BGN: variants seen among roughly 807,000 people sequenced by gnomAD.
BGN encodes biglycan.
Under a neutral mutation model 20.0 loss-of-function variants are expected in BGN, and 6 were observed. The observed-to-expected ratio is 0.30, with a 90% CI of 0.16 to 0.59. The LOEUF (loss-of-function observed/expected upper bound fraction) is 0.59. Among genes scored for constraint, BGN ranks in the 20% least tolerant of loss-of-function variants. The probability of loss-of-function intolerance (pLI) is 0.88; values close to 1 mark genes in which losing one functional copy is unlikely to be tolerated. For synonymous variants in BGN, 146 were observed against 134.6 expected, an observed-to-expected ratio of 1.08 and a Z score of -0.59; for missense variants, 292 against 312.1, an observed-to-expected ratio of 0.94 and a Z score of 0.49.
chrX:153,499,769 C>CT (rs1199051599), intron 1 of BGN, among the ~76,000 whole-genome samples: 1 of 112,565 alleles, frequency 8.9e-6, no homozygotes, highest in African/African-American at 3.2e-5. Context: ...CGGGGAGGGA[C>CT]TGGTGGACTG....
chrX:153,501,196 T>G (rs1184208863), intron 1 of BGN, among the ~76,000 whole-genome samples: 1 of 108,449 alleles, frequency 9.2e-6, no homozygotes, highest in Non-Finnish European at 2.0e-5. Flanking sequence ...GTGTGTGTGT[T>G]TGTGTGTGTA....
intron 1 of BGN, among the ~76,000 whole-genome samples, chrX:153,500,551 C>T (rs1190083083): frequency 1.3e-4 from 15 of 112,099 alleles, no homozygotes; most frequent in African/African-American, 4.2e-4. Context: ...CTGGGGTCCC[C>T]GCCTGCCTTA....
At position 153,508,730 on chromosome X, in the gene BGN, T is replaced by G; in HGVS notation, c.*285T>G. 2.6e-6 allele frequency: 1 copy of G among 388,763 alleles called. No individual in the cohort carries two copies. Among genetic ancestry groups the G allele is most frequent in the Non-Finnish European group, 4.5e-6 (1 of 221,711 alleles). The allele number at this position is 388,763 out of a possible 1,213,427, so 32.0% of individuals were successfully genotyped here. ...ACCCAGAGGCACCCCATGAAGCTTT[T>G]TTCTCGTTCACTCCCAAACCCAAGT... On this transcript the variant is annotated 3_prime_UTR_variant, in exon 8 of 8. Transcript: ENST00000331595.
chrX:153,497,867 C>CTTCGCTGT (rs1317221467), intron 1 of BGN, among the ~76,000 whole-genome samples: 1 of 112,502 alleles, frequency 8.9e-6, no homozygotes, highest in African/African-American at 3.2e-5. Flanking sequence ...CAGCTGCCCC[C>CTTCGCTGT]TTCGCTGTTT....
At chrX:153,496,966 A>ACCCCCCC (rs2089721217) in intron 1 of BGN, among the ~76,000 whole-genome samples, 1 of 9,445 alleles carries the variant, frequency 1.1e-4, no homozygotes, top group Non-Finnish European at 2.1e-4. Flanking sequence ...CCCACCCCCC[A>ACCCCCCC]CCCCCCAGCA....
At chrX:153,504,912 C>G in intron 2 of BGN, 43 bp downstream of exon 2, 4 of 1,121,432 alleles carry the variant, frequency 3.6e-6, no homozygotes, top group Non-Finnish European at 4.8e-6. Context: ...CAGGGAGGCT[C>G]AGGTGCAGCC....
At chrX:153,503,363 T>C (rs1447908029) in intron 1 of BGN, among the ~76,000 whole-genome samples, 1 of 112,281 alleles carries the variant, frequency 8.9e-6, no homozygotes, top group Admixed American at 9.3e-5. Context: ...GAGGGTCTCC[T>C]GGGCGTGCGA....
At position 153,507,107 on chromosome X, in the gene BGN, C is replaced by T. The variant is rs1556993388; in HGVS notation, c.831C>T (p.Pro277=). ...MIENGSLSFL[P]TLRELHLDNN... is the part of the protein sequence containing the mutation. Reference sequence around the variant, plus strand: ...AGAACGGGAGCCTGAGCTTCCTGCCCACCCTCCGGGAGCTCCACTTGGACA... The same window carrying T: ...AGAACGGGAGCCTGAGCTTCCTGCCTACCCTCCGGGAGCTCCACTTGGACA... The change falls in exon 7 of 8, where the codon CCC becomes CCT. Residue 277 remains proline (P), a synonymous_variant. Coordinates refer to ENST00000331595, the MANE Select transcript of BGN (RefSeq NM_001711.6). The T allele has an allele frequency of 8.3e-7, 1 of 1,207,125 alleles. No homozygotes were observed. The highest frequency in any genetic ancestry group is 1.8e-5 in the South Asian group (1 of 56,224).
In BGN at chrX:153,504,647, C is replaced by T. The variant is rs1237471362; in HGVS notation, c.16C>T (p.Arg6Cys). The change falls in exon 2 of 8, where the codon CGC becomes TGC. Residue 6 changes from arginine to cysteine, a missense_variant. Transcript: ENST00000331595. MWPLW[R>C]LVSLLALSQA... ...TCCATCCGCCATGTGGCCCCTGTGG[C>T]GCCTCGTGTCTCTGCTGGCCCTGAG... is the stretch of plus-strand genomic sequence containing the variant. 6.6e-6 allele frequency: 8 copies of T among 1,205,025 alleles called. No homozygotes were observed. Among genetic ancestry groups the T allele is most frequent in the Admixed American group, 2.2e-5 (1 of 45,751 alleles).
chrX:153,507,246 C>T (rs2089808553), intron 7 of BGN, 61 bp downstream of exon 7: 1 of 1,132,788 alleles, frequency 8.8e-7, no homozygotes, highest in Non-Finnish European at 1.2e-6. Flanking sequence ...GCGTGTGTGT[C>T]CCCGGGCAGT....
At position 153,508,284 on chromosome X, in the gene BGN, G is replaced by C. The variant is rs782085926; in HGVS notation, c.946G>C (p.Gly316Arg). The C allele has an allele frequency of 2.5e-6, 3 of 1,212,069 alleles. No homozygotes were observed. Among genetic ancestry groups the C allele is most frequent in the Non-Finnish European group, 3.3e-6 (3 of 895,589 alleles). The change falls in exon 8 of 8, where the codon GGT (glycine) becomes CGT (arginine). Residue 316 changes from glycine (G) to arginine (R), a missense_variant. By Grantham distance (125) the Gly-to-Arg change is moderately radical. Coordinates refer to ENST00000331595, the MANE Select transcript of BGN (RefSeq NM_001711.6). ...GCACTCCAACAACATCACCAAAGTG[G>C]GTGTCAACGACTTCTGTCCCATGGG... is the stretch of plus-strand genomic sequence containing the variant. Reference protein sequence around the residue: ...YLHSNNITKVGVNDFCPMGFG... With the variant: ...YLHSNNITKVRVNDFCPMGFG...
At chrX:153,500,583 A>ATGTATG (rs1354670735) in intron 1 of BGN, among the ~76,000 whole-genome samples, 2 of 112,354 alleles carry the variant, frequency 1.8e-5, no homozygotes, top group Non-Finnish European at 3.8e-5. Flanking sequence ...ATATATGTGT[A>ATGTATG]TGTATGTGTA....
chrX:153,505,811 C>T (rs1161209959), intron 3 of BGN, 52 bp from the exon 4 acceptor site: 9 of 795,313 alleles, frequency 1.1e-5, no homozygotes, highest in East Asian at 1.5e-4. Flanking sequence ...GAGAGAGGGG[C>T]GGGTGGGGTG....
In BGN at chrX:153,509,079, G is replaced by C. The variant is rs2089826091; in HGVS notation, c.*634G>C. ...TCTCTTTCTGTGTGTGTGTGTGTGTGTGTGTGTGTGTGTGTGTGTGTGTGT... is the reference window on the plus strand; with the variant it reads ...TCTCTTTCTGTGTGTGTGTGTGTGTCTGTGTGTGTGTGTGTGTGTGTGTGT... On this transcript the variant is annotated 3_prime_UTR_variant, in exon 8 of 8. Coordinates refer to ENST00000331595, the MANE Select transcript of BGN (RefSeq NM_001711.6). The C allele has an allele frequency of 1.8e-5, 2 of 108,323 alleles. No individual in the cohort carries two copies. Among genetic ancestry groups the C allele is most frequent in the Non-Finnish European group, 3.8e-5 (2 of 52,987 alleles). The allele number at this position is 108,323 out of a possible 1,213,427, so 8.9% of individuals were successfully genotyped here.
chrX:153,505,892 C>G lies in BGN; in HGVS notation c.381C>G (p.Ser127=), dbSNP rs782202676. 2.5e-6 allele frequency: 3 copies of G among 1,210,059 alleles called. No homozygotes were observed. The South Asian group carries it at 5.3e-5, about 21-fold the overall frequency. ...YALVLVNNKI[S]KIHEKAFSPL... ...TCGTCCTGGTGAACAACAAGATCTC[C>G]AAGATCCATGAGAAGGCCTTCAGCC... The change falls in exon 4 of 8, where the codon TCC becomes TCG. Residue 127 remains serine (S), a synonymous_variant. Transcript: ENST00000331595.
At position 153,508,337 on chromosome X, in the gene BGN, C is replaced by A; in HGVS notation, c.999C>A (p.Asn333Lys). The A allele has an allele frequency of 8.2e-7, 1 of 1,212,186 alleles. No homozygotes were observed. Among genetic ancestry groups the A allele is most frequent in the Non-Finnish European group, 1.1e-6 (1 of 895,528 alleles). ...TCGGGGTGAAGCGGGCCTACTACAA[C>A]GGCATCAGCCTCTTCAACAACCCCG... ...MGFGVKRAYY[N>K]GISLFNNPVP... Residue 333 changes from asparagine to lysine, a missense_variant, in exon 8 of 8, where the codon AAC becomes AAA. Coordinates refer to ENST00000331595, the MANE Select transcript of BGN (RefSeq NM_001711.6).
chrX:153,501,129 T>C (rs887773926), intron 1 of BGN, among the ~76,000 whole-genome samples: 1 of 111,768 alleles, frequency 8.9e-6, no homozygotes, highest in Non-Finnish European at 1.9e-5. Flanking sequence ...ACATATGTGT[T>C]TTGTATAGGT....
In BGN at chrX:153,504,791, T is replaced by A; in HGVS notation, c.160T>A (p.Ser54Thr). 2 of 1,211,707 alleles carry A rather than the reference T, an allele frequency of 1.7e-6. No homozygotes were observed. Among genetic ancestry groups the A allele is most frequent in the Non-Finnish European group, 2.2e-6 (2 of 895,567 alleles). The change falls in exon 2 of 8, where the codon TCT becomes ACT. Residue 54 changes from serine to threonine, a missense_variant. By Grantham distance (58) the Ser-to-Thr change is moderately conservative. Coordinates refer to ENST00000331595, the MANE Select transcript of BGN (RefSeq NM_001711.6). ...CACCTCGGGCGTCCTGGACCCGGAC[T>A]CTGTCACACCCACCTACAGCGCCAT... is the stretch of plus-strand genomic sequence containing the variant. ...ADTSGVLDPD[S>T]VTPTYSAMCP...
chrX:153,507,307 G>A (rs2089809313), intron 7 of BGN, 122 bp downstream of exon 7: 2 of 930,026 alleles, frequency 2.2e-6, no homozygotes, highest in African/African-American at 4.0e-5. Context: ...ATCTGCAAGG[G>A]AGCGGTCCTG....
Sources: gnomAD v4.1 joint callset for allele counts (sites outside exome capture counted in the v4.1 genomes callset) on GRCh38, gnomAD v4.1.1 for gene constraint, MANE v1.5 for transcripts, NCBI Gene and HGNC (gene_info 2026-07-23, HGNC 2026-07-21) for gene names.